LRIF1: variants seen among roughly 807,000 people sequenced by gnomAD.
The protein encoded by LRIF1 is ligand-dependent nuclear receptor-interacting factor 1.
A neutral mutation model predicts 52.7 loss-of-function variants in LRIF1; 32 were observed. The ratio of observed to expected loss-of-function variants is 0.61; its 90% confidence interval spans 0.46 to 0.82. LRIF1 has a LOEUF of 0.82. Ranked by LOEUF, LRIF1 falls within the 40% of genes least tolerant of loss-of-function variation. The pLI is 0.00. For synonymous variants in LRIF1, 323 were observed against 317.4 expected (o/e 1.02, Z -0.19); for missense variants, 887 against 892.0 (o/e 0.99, Z 0.07).
At chr1:110,879,767 T>C in the LRIF1 span, among the ~76,000 whole-genome samples, 9 of 152,154 alleles carry the variant, frequency 5.9e-5, no homozygotes, top group Admixed American at 5.9e-4. Flanking sequence ...AGGGTCTCTC[T>C]ATGTTGTTCA....
In LRIF1 at chr1:110,948,340, C is replaced by A; in HGVS notation, c.1929G>T (p.Lys643Asn). ...KTNKKMDHIK[K>N]RKTENAYNAI... ...CGTTATAAGCATTCTCTGTTTTTCT[C>A]TTCTTTATGTGATCCATCTTCTTAT... The change falls in exon 4 of 4, where the codon AAG (lysine) becomes AAT (asparagine). Residue 643 changes from lysine (K) to asparagine (N), a missense_variant. Physicochemically the swap from Lys to Asn is moderately conservative, Grantham distance 94 (BLOSUM62 0). Coordinates refer to ENST00000369763, the MANE Select transcript of LRIF1 (RefSeq NM_018372.4). 6.2e-7 allele frequency: 1 copy of A among 1,613,950 alleles called. No individual in the cohort carries two copies. Among genetic ancestry groups the A allele is most frequent in the Non-Finnish European group, 8.5e-7 (1 of 1,179,956 alleles).
the LRIF1 span, among the ~76,000 whole-genome samples, chr1:110,915,290 C>T: frequency 2.0e-5 from 3 of 150,002 alleles, no homozygotes; most frequent in African/African-American, 7.4e-5. Context: ...TCGAGACCAT[C>T]CTGGCTAACA....
chr1:110,881,896 C>T, the LRIF1 span, among the ~76,000 whole-genome samples: 5 of 152,132 alleles, frequency 3.3e-5, no homozygotes, highest in Non-Finnish European at 7.4e-5. Context: ...TCCTTATTTG[C>T]CATCCATATA....
intron 1 of LRIF1, among the ~76,000 whole-genome samples, chr1:110,957,301 C>CA (rs35011841): frequency 0.16 from 13,162 of 81,766 alleles, 1,535 homozygotes; most frequent in African/African-American, 0.38. Flanking sequence ...ACTAAAAATA[C>CA]AAAAAAAAAA....
chr1:110,898,290 T>A, the LRIF1 span, among the ~76,000 whole-genome samples: 1 of 145,866 alleles, frequency 6.9e-6, no homozygotes. Flanking sequence ...GGTAGGAGAA[T>A]GGCGTGAACC....
the LRIF1 span, among the ~76,000 whole-genome samples, chr1:110,930,496 T>G: frequency 6.6e-6 from 1 of 152,294 alleles, no homozygotes; most frequent in African/African-American, 2.4e-5. Context: ...TTCCTCTGTG[T>G]GCAGGCATGG....
downstream of LRIF1, chr1:110,945,144 A>C (rs1348156075): frequency 6.6e-6 from 1 of 152,144 alleles, no homozygotes; most frequent in Non-Finnish European, 1.5e-5. Flanking sequence ...CAGACTTCCA[A>C]AGTGTAAGGA....
the LRIF1 span, among the ~76,000 whole-genome samples, chr1:110,876,059 A>G: frequency 6.6e-6 from 1 of 152,234 alleles, no homozygotes; most frequent in Non-Finnish European, 1.5e-5. Flanking sequence ...ATCATTTAAA[A>G]TGAGAGTGCT....
At chr1:110,957,120 T>C (rs1658731072) in intron 1 of LRIF1, among the ~76,000 whole-genome samples, 1 of 151,962 alleles carries the variant, frequency 6.6e-6, no homozygotes, top group South Asian at 2.1e-4. Context: ...CTATCCCACA[T>C]TTCTTGACCC....
rs1488691082 is a variant in LRIF1, at chr1:110,951,394, T to A, written c.1490A>T (p.Tyr497Phe). The A allele has an allele frequency of 1.9e-6, 3 of 1,614,140 alleles. No homozygotes were observed. The highest frequency in any genetic ancestry group is 2.5e-6 in the Non-Finnish European group (3 of 1,179,992). The change falls in exon 2 of 4, where the codon TAT becomes TTT. Residue 497 changes from tyrosine (Y) to phenylalanine (F), a missense_variant. By Grantham distance (22) the Tyr-to-Phe change is conservative. Transcript: ENST00000369763. The stretch of plus-strand genomic sequence containing the variant: ...CTGGAGGACACTTCCTTTTCTAGCA[T>A]AAATGACGGCTGTTACTTTTCTGGG... ...NAPRKVTAVI[Y>F]ARKGSVLQSI... is the part of the protein sequence containing the mutation.
At chr1:110,895,853 A>C in the LRIF1 span, among the ~76,000 whole-genome samples, 3 of 152,180 alleles carry the variant, frequency 2.0e-5, no homozygotes, top group Admixed American at 2.0e-4. Context: ...TTTTCGTTAG[A>C]ATATGTTAAA....
chr1:110,963,596 GGGA>G (rs1659058778), intron 1 of LRIF1, 22 bp downstream of exon 1: 2 of 1,594,908 alleles, frequency 1.3e-6, no homozygotes, highest in East Asian at 4.5e-5. Flanking sequence ...GGCAGCCGTG[GGGA>G]GGATTCGAAA....
At chr1:110,885,467 G>A in the LRIF1 span, among the ~76,000 whole-genome samples, 34 of 152,252 alleles carry the variant, frequency 2.2e-4, no homozygotes, top group Admixed American at 1.2e-3. Flanking sequence ...GAACCGGGGA[G>A]GCGGAGCTTG....
At chr1:110,912,695 C>CA in the LRIF1 span, among the ~76,000 whole-genome samples, 5 of 152,060 alleles carry the variant, frequency 3.3e-5, no homozygotes, top group African/African-American at 7.2e-5. Context: ...CAAACCAATG[C>CA]AAAAAACATT....
At chr1:110,936,416 T>C in the LRIF1 span, 9 of 152,206 alleles carry the variant, frequency 5.9e-5, no homozygotes, top group African/African-American at 2.2e-4. Context: ...AAGATATACA[T>C]AGAAACAGGA....
the LRIF1 span, among the ~76,000 whole-genome samples, chr1:110,912,235 C>T: frequency 1.6e-4 from 24 of 151,274 alleles, no homozygotes; most frequent in African/African-American, 5.6e-4. Context: ...TTTTTTAGAC[C>T]GAGTCTGGCT....
the LRIF1 span, among the ~76,000 whole-genome samples, chr1:110,935,845 A>G: frequency 5.9e-3 from 899 of 152,258 alleles, 11 homozygotes; most frequent in African/African-American, 0.021. Flanking sequence ...ATATACAAGA[A>G]TGTTATGGAA....
the LRIF1 span, among the ~76,000 whole-genome samples, chr1:110,902,846 C>A: frequency 2.0e-5 from 3 of 152,142 alleles, no homozygotes; most frequent in Non-Finnish European, 4.4e-5. Context: ...CTCATAGGAC[C>A]TGCTGTTAAG....
At chr1:110,942,526 A>G (rs1190628307), downstream of LRIF1, among the ~76,000 whole-genome samples, 3 of 152,156 alleles carry the variant, frequency 2.0e-5, no homozygotes, top group Admixed American at 6.6e-5. Flanking sequence ...GCAGAGAGAC[A>G]GTTAGTTGAT....
Sources: gnomAD v4.1 joint callset for allele counts (sites outside exome capture counted in the v4.1 genomes callset) on GRCh38, gnomAD v4.1.1 for gene constraint, MANE v1.5 for transcripts, NCBI Gene and HGNC (gene_info 2026-07-23, HGNC 2026-07-21) for gene names.